KAZN: variants seen among roughly 807,000 people sequenced by gnomAD.
KAZN encodes the protein kazrin, periplakin interacting protein, also known as kazrin.
A neutral mutation model predicts 87.4 loss-of-function variants in KAZN; 40 were observed. The ratio of observed to expected loss-of-function variants is 0.46; its 90% confidence interval spans 0.36 to 0.60. KAZN has a LOEUF of 0.60. Ranked by LOEUF, KAZN falls within the 20% of genes least tolerant of loss-of-function variation. The probability of loss-of-function intolerance (pLI) is 0.00; values close to 1 mark genes in which losing one functional copy is unlikely to be tolerated. For missense variants in KAZN, 898 were observed against 1,073.9 expected, an observed-to-expected ratio of 0.84 and a Z score of 2.29; for synonymous variants, 466 against 458.3, an observed-to-expected ratio of 1.02 and a Z score of -0.22.
intron 1 of KAZN, among the ~76,000 whole-genome samples, chr1:14,708,688 C>G (rs1336120893): frequency 1.3e-5 from 2 of 152,230 alleles, no homozygotes; most frequent in Admixed American, 6.5e-5. Context: ...CTTCAGATCC[C>G]TGAGTAGCAC....
intron 1 of KAZN, among the ~76,000 whole-genome samples, chr1:14,070,996 T>C (rs926210304): frequency 6.6e-6 from 1 of 151,894 alleles, no homozygotes; most frequent in Non-Finnish European, 1.5e-5. Flanking sequence ...CAAACCTGAG[T>C]CTCCCTGACT....
intron 1 of KAZN, among the ~76,000 whole-genome samples, chr1:14,116,233 G>C (rs113465586): frequency 2.0e-5 from 3 of 152,322 alleles, no homozygotes; most frequent in African/African-American, 7.2e-5. Flanking sequence ...TCCAGGGCAT[G>C]TCAGAGGTCT....
intron 1 of KAZN, among the ~76,000 whole-genome samples, chr1:14,901,606 G>A (rs759588550): frequency 3.9e-5 from 6 of 152,298 alleles, no homozygotes; most frequent in African/African-American, 4.8e-5. Context: ...CAGCTCAGAC[G>A]AGGGTGGCAG....
chr1:14,815,226 GTAA>G (rs1339519290), intron 1 of KAZN, among the ~76,000 whole-genome samples: 1 of 152,186 alleles, frequency 6.6e-6, no homozygotes, highest in Non-Finnish European at 1.5e-5. Flanking sequence ...GCAGTCGTGG[GTAA>G]TGGAGCTCCT....
At chr1:14,396,817 T>C (rs75900894) in intron 2 of KAZN, among the ~76,000 whole-genome samples, 11 of 152,292 alleles carry the variant, frequency 7.2e-5, no homozygotes, top group African/African-American at 1.2e-4. Flanking sequence ...AGCTGTGAGA[T>C]TGAAAAAGTC....
chr1:14,988,814 G>A (rs1340308853), intron 2 of KAZN, among the ~76,000 whole-genome samples: 1 of 152,106 alleles, frequency 6.6e-6, no homozygotes, highest in Non-Finnish European at 1.5e-5. Flanking sequence ...GAGGAGAGGG[G>A]CACCCAGCAA....
intron 1 of KAZN, among the ~76,000 whole-genome samples, chr1:14,928,459 CAA>C (rs34982134): frequency 6.9e-6 from 1 of 143,898 alleles, no homozygotes; most frequent in Admixed American, 6.7e-5. Context: ...AAAAAAAAAA[CAA>C]AAAAAAAGAA....
At chr1:14,832,161 G>T (rs192870164) in intron 1 of KAZN, among the ~76,000 whole-genome samples, 3 of 149,742 alleles carry the variant, frequency 2.0e-5, no homozygotes, top group African/African-American at 7.4e-5. Flanking sequence ...GCACCATTGC[G>T]CTCCAGCCTG....
chr1:14,270,111 G>C (rs1024037534), intron 2 of KAZN, among the ~76,000 whole-genome samples: 4 of 152,118 alleles, frequency 2.6e-5, no homozygotes, highest in African/African-American at 9.7e-5. Context: ...CCACACTGGG[G>C]GTCAGATTTC....
intron 2 of KAZN, among the ~76,000 whole-genome samples, chr1:14,524,136 T>C (rs568634755): frequency 1.8e-4 from 28 of 151,966 alleles, no homozygotes; most frequent in Non-Finnish European, 2.5e-4. Context: ...ATTCTCCTGC[T>C]TCAGCCTCCC....
At chr1:14,582,981 A>G (rs1253508684) in intron 2 of KAZN, among the ~76,000 whole-genome samples, 1 of 152,192 alleles carries the variant, frequency 6.6e-6, no homozygotes, top group African/African-American at 2.4e-5. Flanking sequence ...ATCACATAAT[A>G]TACTGCCCAG....
At chr1:14,919,374 A>G (rs759943161) in intron 1 of KAZN, among the ~76,000 whole-genome samples, 6 of 152,142 alleles carry the variant, frequency 3.9e-5, no homozygotes, top group Non-Finnish European at 7.4e-5. Context: ...ACAGGGTTTC[A>G]CCATGTTGGC....
intron 2 of KAZN, among the ~76,000 whole-genome samples, chr1:14,313,179 C>A (rs1655421335): frequency 6.6e-6 from 1 of 152,098 alleles, no homozygotes; most frequent in East Asian, 1.9e-4. Flanking sequence ...ATTACCAGCA[C>A]CCCAGAAGCT....
chr1:14,394,336 A>G (rs1662711285), intron 2 of KAZN, among the ~76,000 whole-genome samples: 1 of 152,252 alleles, frequency 6.6e-6, no homozygotes, highest in Non-Finnish European at 1.5e-5. Context: ...GATTTCCAAT[A>G]TTCTCCTGGC....
chr1:14,361,457 A>G (rs1276917560), intron 2 of KAZN, among the ~76,000 whole-genome samples: 1 of 152,172 alleles, frequency 6.6e-6, no homozygotes, highest in Admixed American at 6.5e-5. Context: ...AGAGGAGTGA[A>G]CAGTTCTGTC....
chr1:14,782,658 G>A (rs1310316939), intron 1 of KAZN, among the ~76,000 whole-genome samples: 2 of 151,616 alleles, frequency 1.3e-5, no homozygotes, highest in Non-Finnish European at 2.9e-5. Flanking sequence ...AATTGAAGAG[G>A]CCTATAAAAG....
chr1:14,216,943 G>C (rs1646968849), intron 2 of KAZN, among the ~76,000 whole-genome samples: 1 of 152,120 alleles, frequency 6.6e-6, no homozygotes, highest in South Asian at 2.1e-4. Context: ...ATTTTACATA[G>C]AAATGGGCAA....
intron 1 of KAZN, among the ~76,000 whole-genome samples, chr1:14,060,912 G>A (rs1192894009): frequency 6.6e-6 from 1 of 152,204 alleles, no homozygotes; most frequent in Non-Finnish European, 1.5e-5. Context: ...AAGAACTCCT[G>A]CTGCCTGCAG....
At chr1:14,466,641 C>T (rs1349398782) in intron 2 of KAZN, among the ~76,000 whole-genome samples, 1 of 146,946 alleles carries the variant, frequency 6.8e-6, no homozygotes, top group Non-Finnish European at 1.5e-5. Flanking sequence ...CACATGTACC[C>T]CAAACTTAAA....
Sources: allele counts gnomAD v4.1 joint callset (sites outside exome capture counted in the v4.1 genomes callset), GRCh38; gene constraint gnomAD v4.1.1; transcripts MANE v1.5; gene names NCBI Gene and HGNC (gene_info 2026-07-23, HGNC 2026-07-21).